Variants in LMO7 observed in about 807,000 individuals in gnomAD.
LMO7 encodes LIM domain only protein 7.
In LMO7, 120 loss-of-function variants were observed where a neutral mutation model predicts 206.5. That is an observed-to-expected ratio of 0.58 (90% CI 0.50 to 0.68). LMO7 has a LOEUF of 0.68. Among genes scored for constraint, LMO7 ranks in the 30% least tolerant of loss-of-function variants. The pLI is 0.00. For synonymous variants in LMO7, 706 were observed against 681.5 expected (o/e 1.04, Z -0.56); for missense variants, 1,959 against 1,957.9 (o/e 1.00, Z -0.01).
intron 3 of LMO7, among the ~76,000 whole-genome samples, chr13:75,735,366 C>A (rs1161812100): frequency 6.7e-6 from 1 of 149,780 alleles, no homozygotes; most frequent in Non-Finnish European, 1.5e-5. Flanking sequence ...TATTTGTATA[C>A]ACACACACAC....
Position 75,821,340 on chromosome 13 carries a change from C to G in LMO7, c.2371C>G (p.Pro791Ala), listed in dbSNP as rs138127134. ...GGGAGCAACTTATCCTTCAGAAATT[C>G]CCAAAGAAGATTCTACCACTTTTGC... ...EKGATYPSEI[P>A]KEDSTTFAKR... Residue 791 changes from proline (P) to alanine (A), a missense_variant, in exon 14 of 31, where the codon CCC (proline) becomes GCC (alanine). Physicochemically the swap from Pro to Ala is conservative, Grantham distance 27. Transcript: ENST00000377534. 6.2e-7 allele frequency: 1 copy of G among 1,614,104 alleles called. No individual in the cohort carries two copies. The highest frequency in any genetic ancestry group is 1.3e-5 in the African/African-American group (1 of 75,046).
At chr13:75,732,933 C>A (rs1370168635) in intron 3 of LMO7, among the ~76,000 whole-genome samples, 1 of 152,316 alleles carries the variant, frequency 6.6e-6, no homozygotes, top group Admixed American at 6.5e-5. Context: ...GTCTGCAGAA[C>A]AGCTGATTTT....
intron 1 of LMO7, among the ~76,000 whole-genome samples, chr13:75,639,141 T>A (rs2036261781): frequency 6.6e-6 from 1 of 152,178 alleles, no homozygotes; most frequent in African/African-American, 2.4e-5. Context: ...TCCTTGTCAT[T>A]TCCATTTTCT....
intron 4 of LMO7, among the ~76,000 whole-genome samples, chr13:75,777,164 C>G (rs1040102242): frequency 6.6e-6 from 1 of 151,978 alleles, no homozygotes; most frequent in Non-Finnish European, 1.5e-5. Context: ...TGTTTTATTT[C>G]TTTTTTTTCT....
intron 1 of LMO7, among the ~76,000 whole-genome samples, chr13:75,642,442 CAA>C (rs5804829): frequency 0.092 from 6,607 of 72,142 alleles, 188 homozygotes; most frequent in Non-Finnish European, 0.12. Flanking sequence ...CCATCTCTAC[CAA>C]AAAAAAAAAA....
At chr13:75,776,742 T>C (rs1279408189) in intron 4 of LMO7, among the ~76,000 whole-genome samples, 1 of 152,198 alleles carries the variant, frequency 6.6e-6, no homozygotes, top group Non-Finnish European at 1.5e-5. Flanking sequence ...TCATCATGCA[T>C]GTCATACAGT....
rs377311932 is a variant in LMO7, at chr13:75,807,585, C to T, written c.1302C>T (p.Arg434=). The change falls in exon 10 of 31, where the codon CGC becomes CGT. Residue 434 remains arginine, a synonymous_variant. Coordinates refer to ENST00000377534, the MANE Select transcript of LMO7 (RefSeq NM_001306080.2). ...DPTSGPRLIT[R]RKNLSYAPGY... is the part of the protein sequence containing the mutation. Reference sequence around the variant, plus strand: ...CTTCTGGCCCAAGGCTCATAACCCGCAGGAAGAATCTCTCTTATGCACCAG... The same window carrying T: ...CTTCTGGCCCAAGGCTCATAACCCGTAGGAAGAATCTCTCTTATGCACCAG... The T allele has an allele frequency of 2.4e-4, 385 of 1,613,978 alleles. 7 individuals are homozygous for T. The South Asian group carries it at 3.9e-3, about 16-fold the overall frequency.
intron 25 of LMO7, 103 bp downstream of exon 25, chr13:75,843,019 T>C (rs1018903412): frequency 1.2e-5 from 9 of 764,374 alleles, no homozygotes; most frequent in East Asian, 1.0e-4. Context: ...CCCTTTGTCA[T>C]TTGTGGGGTA....
intron 15 of LMO7, among the ~76,000 whole-genome samples, chr13:75,829,231 G>T (rs1370293697): frequency 1.3e-5 from 2 of 152,084 alleles, no homozygotes; most frequent in East Asian, 3.8e-4. Context: ...CAAGAGACAT[G>T]GGAAAAAAGG....
intron 3 of LMO7, among the ~76,000 whole-genome samples, chr13:75,733,258 T>C (rs1409877941): frequency 1.3e-5 from 2 of 152,270 alleles, no homozygotes; most frequent in African/African-American, 4.8e-5. Flanking sequence ...GCAGGCCTTC[T>C]TGAGCTGTGG....
At chr13:75,659,649 C>T (rs2038388884) in intron 1 of LMO7, among the ~76,000 whole-genome samples, 1 of 152,152 alleles carries the variant, frequency 6.6e-6, no homozygotes, top group Non-Finnish European at 1.5e-5. Flanking sequence ...CCCCCTGGGT[C>T]CCTCCCACAA....
chr13:75,791,088 A>G lies in LMO7; in HGVS notation c.318-4313A>G, dbSNP rs574727193. Among the ~76,000 whole-genome samples, 83 of 150,982 alleles carry G rather than the reference A, an allele frequency of 5.5e-4. 3 individuals are homozygous for G. The South Asian group carries it at 0.015, about 27-fold the overall frequency. ...GCCTCCTGCATATCTACCCATTTTT[A>G]ATGCAGATTTGGATTTCAGTGCAAG... On this transcript the variant is annotated intron_variant, in intron 4 of 30. Coordinates refer to ENST00000377534, the MANE Select transcript of LMO7 (RefSeq NM_001306080.2).
At position 75,800,729 on chromosome 13, in the gene LMO7, GGCTAC is replaced by G; in HGVS notation, c.510_514del (p.Tyr171Ter). 3 of 1,614,096 alleles carry G rather than the reference GGCTAC, an allele frequency of 1.9e-6. No homozygotes were observed. Among genetic ancestry groups the G allele is most frequent in the Non-Finnish European group, 2.5e-6 (3 of 1,179,980 alleles). ...CCTGAAAAGAAGTGGCAGGGACAGT[GGCTAC>G]GGTGACATCTGGTGTCCTGAACGTG... On this transcript the variant is annotated frameshift_variant, in exon 7 of 31. Coordinates refer to ENST00000377534, the MANE Select transcript of LMO7 (RefSeq NM_001306080.2). LOFTEE classifies it high-confidence loss of function.
chr13:75,848,791 A>T (rs930394038), intron 26 of LMO7, among the ~76,000 whole-genome samples: 1 of 152,222 alleles, frequency 6.6e-6, no homozygotes, highest in African/African-American at 2.4e-5. Context: ...GGATTGCTGG[A>T]TCAAATGGTA....
At chr13:75,649,159 T>C (rs2037323576) in intron 1 of LMO7, among the ~76,000 whole-genome samples, 1 of 152,178 alleles carries the variant, frequency 6.6e-6, no homozygotes, top group Non-Finnish European at 1.5e-5. Context: ...TAGTAAGAAT[T>C]ACAAGACCTA....
In LMO7 at chr13:75,658,758, T is replaced by G. The variant is rs529096266; in HGVS notation, c.69+22032T>G. 6.3e-4 allele frequency among the ~76,000 whole-genome samples: 95 copies of G among 151,290 alleles called. 1 individual carries two copies. The highest frequency in any genetic ancestry group is 2.2e-3 in the African/African-American group (92 of 41,216). On this transcript the variant is annotated intron_variant, in intron 1 of 30. Transcript: ENST00000377534. Reference sequence around the variant, plus strand: ...ACCACCACGCCCAGCTAATTTTTTTTTTTTGTATTTTTAGTAGAGACGGGG... The same window carrying G: ...ACCACCACGCCCAGCTAATTTTTTTGTTTTGTATTTTTAGTAGAGACGGGG...
chr13:75,774,715 T>C (rs539212300), intron 4 of LMO7, among the ~76,000 whole-genome samples: 1 of 152,302 alleles, frequency 6.6e-6, no homozygotes, highest in South Asian at 2.1e-4. Context: ...GAGTTGTCTT[T>C]ATCTCATTGA....
chr13:75,728,821 T>G (rs2138668075), intron 3 of LMO7, among the ~76,000 whole-genome samples: 1 of 139,584 alleles, frequency 7.2e-6, no homozygotes, highest in South Asian at 2.4e-4. Context: ...AAGGAAGGGA[T>G]CCAGTTTCAG....
chr13:75,838,142 T>G lies in LMO7; in HGVS notation c.3397T>G (p.Ser1133Ala), dbSNP rs1566585772. 6.4e-7 allele frequency: 1 copy of G among 1,572,922 alleles called. No individual in the cohort carries two copies. Among genetic ancestry groups the G allele is most frequent in the African/African-American group, 1.4e-5 (1 of 73,960 alleles). ...DESNAFESKA[S>A]ESISLKNLKR... is the part of the protein sequence containing the mutation. ...GTGTTTATTTTTTTTTCAACTAGCATCTGAATCCATTTCTTTGAAAAACTT... is the reference window on the plus strand; with the variant it reads ...GTGTTTATTTTTTTTTCAACTAGCAGCTGAATCCATTTCTTTGAAAAACTT... Residue 1133 changes from serine to alanine, a missense_variant and splice_region_variant, in exon 20 of 31, where the codon TCT becomes GCT. Ser to Ala is a moderately conservative substitution (Grantham distance 99, BLOSUM62 1). Transcript: ENST00000377534.
Sources: gnomAD v4.1 joint callset for allele counts (sites outside exome capture counted in the v4.1 genomes callset) on GRCh38, gnomAD v4.1.1 for gene constraint, MANE v1.5 for transcripts, NCBI Gene and HGNC (gene_info 2026-07-23, HGNC 2026-07-21) for gene names.